HDAC9: variants seen among roughly 807,000 people sequenced by gnomAD.
HDAC9 encodes the protein MEF-2 interacting transcription repressor (MITR) protein.
Under a neutral mutation model 139.4 loss-of-function variants are expected in HDAC9, and 41 were observed. The ratio of observed to expected loss-of-function variants is 0.29; its 90% CI spans 0.23 to 0.38. HDAC9 has a LOEUF of 0.38. HDAC9 is among the 10% of genes least tolerant of loss of function. The probability of loss-of-function intolerance (pLI) is 1.00; values close to 1 mark genes in which losing one functional copy is unlikely to be tolerated. For synonymous variants in HDAC9, 517 were observed against 476.2 expected, an observed-to-expected ratio of 1.09 and a Z score of -1.12; for missense variants, 1,147 against 1,297.0, an observed-to-expected ratio of 0.88 and a Z score of 1.78.
At chr7:18,200,559 A>G (rs1442542502) in intron 2 of HDAC9, among the ~76,000 whole-genome samples, 2 of 151,924 alleles carry the variant, frequency 1.3e-5, no homozygotes, top group Non-Finnish European at 2.9e-5. Flanking sequence ...ATCACATTGG[A>G]CTCCAGATAA....
intron 1 of HDAC9, among the ~76,000 whole-genome samples, chr7:18,436,958 G>C (rs1422937900): frequency 6.6e-6 from 1 of 152,174 alleles, no homozygotes; most frequent in Admixed American, 6.5e-5. Flanking sequence ...ATTCTCTTTA[G>C]GATGAAGGTC....
chr7:18,207,784 G>A (rs965232154), intron 2 of HDAC9, among the ~76,000 whole-genome samples: 40 of 151,702 alleles, frequency 2.6e-4, no homozygotes, highest in Admixed American at 6.6e-4. Context: ...GCGCGATCTC[G>A]GCTCACCACA....
intron 22 of HDAC9, among the ~76,000 whole-genome samples, chr7:18,925,682 T>C (rs149501797): frequency 8.7e-4 from 132 of 152,116 alleles, no homozygotes; most frequent in Non-Finnish European, 1.7e-3. Flanking sequence ...CAAGAGTTTG[T>C]GGCCAGAAAG....
chr7:18,234,303 A>G (rs1275159322), intron 2 of HDAC9, among the ~76,000 whole-genome samples: 1 of 152,226 alleles, frequency 6.6e-6, no homozygotes, highest in Non-Finnish European at 1.5e-5. Context: ...TGTGAATAAC[A>G]GTAAAAAGCA....
chr7:18,202,639 G>A (rs987825037), intron 2 of HDAC9, among the ~76,000 whole-genome samples: 11 of 152,180 alleles, frequency 7.2e-5, no homozygotes, highest in Non-Finnish European at 1.5e-5. Flanking sequence ...GATTTAAGGT[G>A]TTCCAGTAGC....
intron 1 of HDAC9, among the ~76,000 whole-genome samples, chr7:18,104,247 T>G (rs1047217653): frequency 1.5e-4 from 8 of 52,530 alleles, no homozygotes; most frequent in African/African-American, 3.0e-4. Flanking sequence ...ATAATTGTAT[T>G]TTTTTTTTTG....
intron 1 of HDAC9, among the ~76,000 whole-genome samples, chr7:18,377,570 A>G (rs1785093715): frequency 6.6e-6 from 1 of 152,218 alleles, no homozygotes; most frequent in African/African-American, 2.4e-5. Context: ...TAAAGACAAT[A>G]ATTTCAATGT....
chr7:18,131,200 AAGAACAC>A (rs755555969), intron 1 of HDAC9, among the ~76,000 whole-genome samples: 1 of 152,182 alleles, frequency 6.6e-6, no homozygotes, highest in Non-Finnish European at 1.5e-5. Context: ...GGTATGTGTA[AAGAACAC>A]ATACGTACCC....
chr7:18,411,056 A>C lies in HDAC9; in HGVS notation c.-41-85206A>C, dbSNP rs1299408864. ...AGCTTCTCAGCAAGAAGTCATTTGT[A>C]GCACAGGCTTGTCTGTCAGTGTTTG... On this transcript the variant is annotated intron_variant, in intron 1 of 3. Transcript: ENST00000413509. Among the ~76,000 whole-genome samples the C allele has an allele frequency of 3.3e-5, 5 of 152,356 alleles. No individual in the cohort carries two copies. In the East Asian group the frequency reaches 7.7e-4, roughly 24 times the overall value.
chr7:18,480,363 A>C (rs1234775233), intron 1 of HDAC9, among the ~76,000 whole-genome samples: 1 of 152,188 alleles, frequency 6.6e-6, no homozygotes, highest in African/African-American at 2.4e-5. Context: ...CCTCTAACAC[A>C]TAACAATATT....
intron 1 of HDAC9, among the ~76,000 whole-genome samples, chr7:18,318,037 T>C (rs1418587600): frequency 6.6e-6 from 1 of 152,134 alleles, no homozygotes; most frequent in African/African-American, 2.4e-5. Context: ...TAATCATATA[T>C]TTTTTGATGA....
At position 18,165,629 on chromosome 7, in the gene HDAC9, A is replaced by T. The variant is rs577922010; in HGVS notation, c.25+3280A>T. Among the ~76,000 whole-genome samples, 69 of 152,084 alleles carry T rather than the reference A, an allele frequency of 4.5e-4. No individual in the cohort carries two copies. The South Asian group carries it at 0.011, about 25-fold the overall frequency. The stretch of plus-strand genomic sequence containing the variant: ...TGGTGAGATCCTATCTCTACAAAAA[A>T]TTTTTTAAAAAATTGCTTGGCATGG... On this transcript the variant is annotated intron_variant, in intron 2 of 12. Coordinates refer to the HDAC9 transcript ENST00000417496.
At chr7:18,512,537 T>C (rs1480568780) in intron 2 of HDAC9, among the ~76,000 whole-genome samples, 1 of 152,238 alleles carries the variant, frequency 6.6e-6, no homozygotes, top group Non-Finnish European at 1.5e-5. Flanking sequence ...TTTAAAAAGT[T>C]ATTTATTCCC....
At chr7:18,736,592 T>A (rs545276337) in intron 13 of HDAC9, among the ~76,000 whole-genome samples, 1 of 152,344 alleles carries the variant, frequency 6.6e-6, no homozygotes, top group South Asian at 2.1e-4. Flanking sequence ...GCTGACTTGA[T>A]CGTGGTGGAT....
At chr7:18,564,959 TTTTATTTA>T (rs145259249) in intron 2 of HDAC9, among the ~76,000 whole-genome samples, 36,296 of 141,068 alleles carry the variant, frequency 0.26, 5,813 homozygotes, top group African/African-American at 0.46. Flanking sequence ...AATAAATGTA[TTTTATTTA>T]TTTATTTATT....
intron 22 of HDAC9, among the ~76,000 whole-genome samples, chr7:18,887,832 A>G (rs1800300902): frequency 6.6e-6 from 1 of 151,990 alleles, no homozygotes; most frequent in Non-Finnish European, 1.5e-5. Flanking sequence ...TTCTTCCTCT[A>G]CCTAATCCCT....
At chr7:18,437,756 ATAT>A (rs955953667) in intron 1 of HDAC9, among the ~76,000 whole-genome samples, 6 of 151,716 alleles carry the variant, frequency 4.0e-5, no homozygotes, top group Admixed American at 6.6e-5. Context: ...GGTTTTAAAA[ATAT>A]TATTAAAAGT....
At chr7:18,500,607 C>T (rs1253510969) in intron 2 of HDAC9, among the ~76,000 whole-genome samples, 1 of 152,104 alleles carries the variant, frequency 6.6e-6, no homozygotes, top group African/African-American at 2.4e-5. Context: ...GTATCCTCAC[C>T]ATTTTGGGTT....
intron 1 of HDAC9, among the ~76,000 whole-genome samples, chr7:18,110,699 T>C (rs1039952965): frequency 6.6e-5 from 10 of 152,164 alleles, no homozygotes; most frequent in African/African-American, 2.4e-4. Context: ...GTCACAATTT[T>C]AAGCAATTTG....
Sources: allele counts gnomAD v4.1 joint callset (sites outside exome capture counted in the v4.1 genomes callset), GRCh38; gene constraint gnomAD v4.1.1; transcripts MANE v1.5; gene names NCBI Gene and HGNC (gene_info 2026-07-23, HGNC 2026-07-21).